The following ZNF420 variants were observed in gnomAD, a reference collection of about 807,000 sequenced individuals.
ZNF420 encodes the protein ATM and p53-associated KZNF protein.
A neutral mutation model predicts 44.7 loss-of-function variants in ZNF420; 31 were observed. The observed-to-expected ratio is 0.69, with a 90% CI of 0.52 to 0.94. The LOEUF (loss-of-function observed/expected upper bound fraction) is 0.94. Ranked by LOEUF, ZNF420 falls within the 40% of genes least tolerant of loss-of-function variation. The pLI is 0.00. For missense variants in ZNF420, 681 were observed against 827.9 expected (o/e 0.82, Z 2.18); for synonymous variants, 245 against 267.4 (o/e 0.92, Z 0.82).
chr19:37,088,983 A>G, intron 2 of ZNF420, 56 bp from the exon 3 acceptor site: 1 of 775,458 alleles, frequency 1.3e-6, no homozygotes, highest in Non-Finnish European at 2.3e-6. Context: ...TTCCAACTGA[A>G]TCATTTGTTA....
chr19:37,115,150 C>T (rs758231560), intron 4 of ZNF420: 9 of 175,682 alleles, frequency 5.1e-5, no homozygotes, highest in Non-Finnish European at 9.8e-5. Flanking sequence ...TGACCACGCT[C>T]GAGCGTACCT....
At chr19:37,031,010 C>T (rs888030331) in intron 1 of ZNF420, among the ~76,000 whole-genome samples, 1 of 152,058 alleles carries the variant, frequency 6.6e-6, no homozygotes, top group Admixed American at 6.6e-5. Flanking sequence ...GCCCCCCCAC[C>T]ACGCCCGGCT....
chr19:37,077,512 C>T (rs188235309), upstream of ZNF420, among the ~76,000 whole-genome samples: 366 of 152,280 alleles, frequency 2.4e-3, no homozygotes, highest in Non-Finnish European at 3.7e-3. Flanking sequence ...ATTTTGGATT[C>T]TTCCCGATAA....
intron 1 of ZNF420, among the ~76,000 whole-genome samples, chr19:37,031,409 C>A (rs1177836103): frequency 6.6e-6 from 1 of 152,142 alleles, no homozygotes; most frequent in Non-Finnish European, 1.5e-5. Flanking sequence ...TAAAGTCTTC[C>A]TTCCCCTTAT....
intron 4 of ZNF420, among the ~76,000 whole-genome samples, chr19:37,111,269 G>A (rs10420330): frequency 0.47 from 71,220 of 151,920 alleles, 17,103 homozygotes; most frequent in Middle Eastern, 0.53. Flanking sequence ...TTCTTTTGTT[G>A]CCTCTCGGGT....
intron 4 of ZNF420, among the ~76,000 whole-genome samples, chr19:37,095,563 A>T (rs1391816356): frequency 6.6e-6 from 1 of 152,088 alleles, no homozygotes; most frequent in South Asian, 2.1e-4. Context: ...CATGAAATAC[A>T]TTAGGGAAGG....
chr19:37,019,915 C>T (rs758494283), intron 1 of ZNF420, among the ~76,000 whole-genome samples: 6 of 151,998 alleles, frequency 3.9e-5, no homozygotes, highest in Non-Finnish European at 7.4e-5. Context: ...TGGACAAACA[C>T]CGCCATTTTA....
intron 1 of ZNF420, among the ~76,000 whole-genome samples, chr19:37,054,851 T>C (rs1967711896): frequency 6.6e-6 from 1 of 152,142 alleles, no homozygotes; most frequent in Non-Finnish European, 1.5e-5. Flanking sequence ...GGAAGATTGT[T>C]ATACAACACA....
chr19:37,017,980 C>A (rs913359461), intron 1 of ZNF420, among the ~76,000 whole-genome samples: 1 of 151,978 alleles, frequency 6.6e-6, no homozygotes, highest in Non-Finnish European at 1.5e-5. Context: ...GGATGGTCAA[C>A]ACACAGACAA....
At position 37,128,270 on chromosome 19, in the gene ZNF420, G is replaced by A; in HGVS notation, c.1279G>A (p.Ala427Thr). ...CTATCAATGTAAGGAATGTGGAAAA[G>A]CGTTTAATCGTGGCTCACTCCTTAC... ...KPYQCKECGK[A>T]FNRGSLLTRH... Residue 427 changes from alanine to threonine, a missense_variant, in exon 5 of 5, where the codon GCG (alanine) becomes ACG (threonine). By Grantham distance (58) the Ala-to-Thr change is moderately conservative. Around this residue, in one of 3 missense-constraint regions of ZNF420, gnomAD observed 280 missense variants for 338.6 expected, o/e 0.83. Transcript: ENST00000337995. The A allele has an allele frequency of 6.2e-7, 1 of 1,613,928 alleles. No homozygotes were observed. Among genetic ancestry groups the A allele is most frequent in the Non-Finnish European group, 8.5e-7 (1 of 1,179,928 alleles).
In ZNF420 at chr19:37,128,579, C is replaced by A. The variant is rs919050758; in HGVS notation, c.1588C>A (p.Pro530Thr). The A allele has an allele frequency of 7.4e-6, 12 of 1,613,536 alleles. No homozygotes were observed. The highest frequency in any genetic ancestry group is 2.7e-5 in the African/African-American group (2 of 74,776). ...TCAAAGACTTCACACTGGTGAGAAA[C>A]CCTATGTGTGTAATGAATGTGGAAA... The part of the protein sequence containing the change: ...QHQRLHTGEK[P>T]YVCNECGKAF... Residue 530 changes from proline to threonine, a missense_variant, in exon 5 of 5, where the codon CCC (proline) becomes ACC (threonine). Coordinates refer to ENST00000337995, the MANE Select transcript of ZNF420 (RefSeq NM_144689.5).
intron 1 of ZNF420, among the ~76,000 whole-genome samples, chr19:37,011,911 C>G (rs1173334320): frequency 1.3e-5 from 2 of 152,160 alleles, no homozygotes; most frequent in Non-Finnish European, 2.9e-5. Context: ...GGAAGCGGAA[C>G]AGGCCACTGC....
At chr19:37,028,080 C>T (rs1599602711) in intron 1 of ZNF420, among the ~76,000 whole-genome samples, 2 of 152,188 alleles carry the variant, frequency 1.3e-5, no homozygotes, top group Admixed American at 6.5e-5. Context: ...CGTATCCTCA[C>T]CAGCATTTGG....
chr19:37,045,360 A>G (rs997626689), intron 1 of ZNF420, among the ~76,000 whole-genome samples: 1 of 152,256 alleles, frequency 6.6e-6, no homozygotes, highest in Admixed American at 6.5e-5. Flanking sequence ...AAATGTGAAT[A>G]ACAGGTAAAC....
At chr19:37,119,707 CA>C (rs1237504054) in intron 4 of ZNF420, among the ~76,000 whole-genome samples, 1 of 151,316 alleles carries the variant, frequency 6.6e-6, no homozygotes, top group Admixed American at 6.6e-5. Flanking sequence ...AAAAGATCAA[CA>C]AAATTGATAG....
chr19:37,126,649 C>T (rs536291214), intron 4 of ZNF420, among the ~76,000 whole-genome samples: 2 of 152,256 alleles, frequency 1.3e-5, no homozygotes, highest in African/African-American at 4.8e-5. Context: ...TTTTAACATG[C>T]TCCCCAGGTG....
upstream of ZNF420, among the ~76,000 whole-genome samples, chr19:37,073,555 A>G (rs1220711219): frequency 6.6e-6 from 1 of 152,060 alleles, no homozygotes; most frequent in Non-Finnish European, 1.5e-5. Context: ...CCTGGCCAAC[A>G]TGGTGAAACC....
rs919050758 is a variant in ZNF420 at position 37,128,579 on chromosome 19, C to T, written c.1588C>T (p.Pro530Ser). 4 of 1,613,536 alleles carry T rather than the reference C, an allele frequency of 2.5e-6. No individual in the cohort carries two copies. The highest frequency in any genetic ancestry group is 3.4e-6 in the Non-Finnish European group (4 of 1,179,904). ...QHQRLHTGEKPYVCNECGKAF... is the reference protein window; with the variant it reads ...QHQRLHTGEKSYVCNECGKAF... ...TCAAAGACTTCACACTGGTGAGAAA[C>T]CCTATGTGTGTAATGAATGTGGAAA... The change falls in exon 5 of 5, where the codon CCC (proline) becomes TCC (serine). Residue 530 changes from proline (P) to serine (S), a missense_variant. Transcript: ENST00000337995.
At chr19:37,095,357 C>T (rs1969382477) in intron 4 of ZNF420, among the ~76,000 whole-genome samples, 2 of 152,020 alleles carry the variant, frequency 1.3e-5, no homozygotes, top group Non-Finnish European at 2.9e-5. Flanking sequence ...TATTGAAATG[C>T]TTTAACTTTG....
Sources: allele counts gnomAD v4.1 joint callset (sites outside exome capture counted in the v4.1 genomes callset), GRCh38; gene constraint gnomAD v4.1.1; regional missense constraint gnomAD v4.1.1; transcripts MANE v1.5; gene names NCBI Gene and HGNC (gene_info 2026-07-23, HGNC 2026-07-21).